The following KSR2 variants were observed in gnomAD, a reference collection of about 807,000 sequenced individuals.
KSR2 encodes kinase suppressor of ras 2.
In KSR2, 25 loss-of-function variants were observed where a neutral mutation model predicts 107.8. The observed-to-expected ratio is 0.23, with a 90% CI of 0.17 to 0.32. The LOEUF is 0.32. KSR2 is among the 10% of genes least tolerant of loss of function. The pLI is 1.00. For missense variants in KSR2, 887 were observed against 1,268.9 expected, an observed-to-expected ratio of 0.70 and a Z score of 4.57; for synonymous variants, 480 against 507.0, an observed-to-expected ratio of 0.95 and a Z score of 0.71.
intron 3 of KSR2, among the ~76,000 whole-genome samples, chr12:117,763,495 A>T (rs1277116413): frequency 1.3e-5 from 2 of 152,190 alleles, no homozygotes; most frequent in Admixed American, 1.3e-4. Context: ...AGATCCAACA[A>T]CACCAAATGT....
intron 3 of KSR2, among the ~76,000 whole-genome samples, chr12:117,807,713 C>T (rs779690925): frequency 5.3e-5 from 8 of 152,182 alleles, no homozygotes; most frequent in Non-Finnish European, 1.0e-4. Flanking sequence ...CTACTATGTG[C>T]CAGGCACAGT....
chr12:117,647,445 A>G (rs1293663037), intron 5 of KSR2, among the ~76,000 whole-genome samples: 1 of 152,138 alleles, frequency 6.6e-6, no homozygotes, highest in Non-Finnish European at 1.5e-5. Flanking sequence ...GTGTGCCAGG[A>G]GCCAGCACGG....
intron 4 of KSR2, among the ~76,000 whole-genome samples, chr12:117,740,904 C>T (rs1593189537): frequency 1.3e-5 from 2 of 152,090 alleles, no homozygotes; most frequent in African/African-American, 4.8e-5. Flanking sequence ...GATAGGCCAC[C>T]GTGTCTGAGG....
intron 4 of KSR2, among the ~76,000 whole-genome samples, chr12:117,690,637 AACTCAACTACT>A (rs1408573233): frequency 6.6e-6 from 1 of 152,196 alleles, no homozygotes; most frequent in Non-Finnish European, 1.5e-5. Context: ...GAAAACGAAC[AACTCAACTACT>A]ATTCTAAGCC....
At chr12:117,861,572 T>A (rs1893297773) in intron 1 of KSR2, among the ~76,000 whole-genome samples, 1 of 151,670 alleles carries the variant, frequency 6.6e-6, no homozygotes, top group Non-Finnish European at 1.5e-5. Context: ...GTATTTTTAG[T>A]AGAGACGGGG....
rs534269726 is a variant in KSR2 at position 117,788,444 on chromosome 12, A to G, written c.473-26920T>C. On this transcript the variant is annotated intron_variant, in intron 3 of 19. Coordinates refer to ENST00000339824, the MANE Select transcript of KSR2 (RefSeq NM_173598.6). ...CCTCCCCTGGAGATTAAAAAAGCAC[A>G]TTAGCATATTATAAGCTTTGAAAAA... Among the ~76,000 whole-genome samples, 9 of 152,344 alleles carry G rather than the reference A, an allele frequency of 5.9e-5. No individual in the cohort carries two copies. The South Asian group carries it at 1.4e-3, about 25-fold the overall frequency.
chr12:117,773,942 T>C (rs548520898), intron 3 of KSR2, among the ~76,000 whole-genome samples: 2 of 152,322 alleles, frequency 1.3e-5, no homozygotes, highest in African/African-American at 4.8e-5. Context: ...CAAGACCCCA[T>C]GAAGAAAATT....
chr12:117,862,254 G>A (rs1042192844), intron 1 of KSR2, among the ~76,000 whole-genome samples: 3 of 152,046 alleles, frequency 2.0e-5, no homozygotes, highest in African/African-American at 4.8e-5. Flanking sequence ...AATTTAAAAT[G>A]TATTTAATAA....
At chr12:117,740,485 A>ATT (rs1565990089) in intron 4 of KSR2, among the ~76,000 whole-genome samples, 5 of 130,248 alleles carry the variant, frequency 3.8e-5, no homozygotes, top group Non-Finnish European at 8.1e-5. Flanking sequence ...TATAACATAT[A>ATT]ATATATATGT....
intron 7 of KSR2, among the ~76,000 whole-genome samples, chr12:117,578,564 T>C (rs537572136): frequency 1.2e-3 from 170 of 139,186 alleles, no homozygotes; most frequent in African/African-American, 4.4e-3. Context: ...ATCACACCAC[T>C]GCACTCCACC....
intron 1 of KSR2, among the ~76,000 whole-genome samples, chr12:117,935,832 T>G (rs1484903594): frequency 1.3e-5 from 2 of 152,196 alleles, no homozygotes; most frequent in African/African-American, 2.4e-5. Flanking sequence ...GCTTCCTAGC[T>G]GTTCCTCAGA....
At chr12:117,539,625 T>G in intron 10 of KSR2, 94 bp downstream of exon 10, 3 of 1,238,734 alleles carry the variant, frequency 2.4e-6, no homozygotes, top group Non-Finnish European at 3.3e-6. Flanking sequence ...CTGCAGAGAC[T>G]TGCTGCATCA....
intron 3 of KSR2, among the ~76,000 whole-genome samples, chr12:117,845,124 C>T (rs897092629): frequency 9.2e-5 from 14 of 152,112 alleles, no homozygotes; most frequent in African/African-American, 2.7e-4. Context: ...CCAGCCTGGG[C>T]GACAGAGCGA....
chr12:117,882,141 A>G (rs535225692), intron 1 of KSR2, among the ~76,000 whole-genome samples: 1 of 152,326 alleles, frequency 6.6e-6, no homozygotes, highest in African/African-American at 2.4e-5. Context: ...CTCAGAGTCC[A>G]GTGGAGCAGA....
chr12:117,857,438 G>A (rs1016946446), intron 2 of KSR2, among the ~76,000 whole-genome samples: 2 of 151,958 alleles, frequency 1.3e-5, no homozygotes, highest in African/African-American at 4.8e-5. Flanking sequence ...TTTGCTTCAG[G>A]ATTCACTTGT....
chr12:117,848,743 CTGGTGA>C (rs1010235416), intron 3 of KSR2, among the ~76,000 whole-genome samples: 1 of 104,168 alleles, frequency 9.6e-6, no homozygotes, highest in Non-Finnish European at 2.5e-5. Flanking sequence ...CTGGAGGAGC[CTGGTGA>C]TGGTGATGGC....
Position 117,462,014 on chromosome 12 carries a change from G to A in KSR2, c.*5185C>T, listed in dbSNP as rs1217508889. 2 of 152,128 alleles carry A rather than the reference G, an allele frequency of 1.3e-5. No homozygotes were observed. Among genetic ancestry groups the A allele is most frequent in the Non-Finnish European group, 2.9e-5 (2 of 68,036 alleles). The allele number at this position is 152,128 out of a possible 1,614,324, so 9.4% of individuals were successfully genotyped here. A position where few individuals can be genotyped will look rare whatever the true frequency, so the allele number is the denominator to read the frequency against. Reference sequence around the variant, plus strand: ...CAGACAAGCCACTTACACACAGGCTGTTCCCATACAGCCACAGAACTGAGA... The same window carrying A: ...CAGACAAGCCACTTACACACAGGCTATTCCCATACAGCCACAGAACTGAGA... On this transcript the variant is annotated 3_prime_UTR_variant, in exon 20 of 20. Coordinates refer to ENST00000339824, the MANE Select transcript of KSR2 (RefSeq NM_173598.6).
intron 4 of KSR2, among the ~76,000 whole-genome samples, chr12:117,680,044 T>C (rs928365213): frequency 6.6e-6 from 1 of 152,212 alleles, no homozygotes; most frequent in Non-Finnish European, 1.5e-5. Flanking sequence ...ACACTACCTG[T>C]CCACAGATGT....
chr12:117,557,357 C>T (rs1877775247), intron 8 of KSR2, among the ~76,000 whole-genome samples: 1 of 152,148 alleles, frequency 6.6e-6, no homozygotes, highest in African/African-American at 2.4e-5. Flanking sequence ...TTTAGGACAT[C>T]TACTTGGCCC....
Sources: gnomAD v4.1 joint callset for allele counts (sites outside exome capture counted in the v4.1 genomes callset) on GRCh38, gnomAD v4.1.1 for gene constraint, MANE v1.5 for transcripts, NCBI Gene and HGNC (gene_info 2026-07-23, HGNC 2026-07-21) for gene names.